The following ZNF469 variants were observed in gnomAD, a reference collection of about 807,000 sequenced individuals.
The protein encoded by ZNF469 is zinc finger protein 469.
In ZNF469, 1 loss-of-function variant was observed where a neutral mutation model predicts 1.0. The ratio of observed to expected loss-of-function variants is 1.00; its 90% CI spans 0.35 to 4.73. ZNF469 has a LOEUF of 4.73. Among genes scored for constraint, ZNF469 ranks in the 30% most tolerant of loss-of-function variants. The pLI is 0.16. For missense variants in ZNF469, 6,100 were observed against 5,356.3 expected, an observed-to-expected ratio of 1.14 and a Z score of -4.33; for synonymous variants, 2,703 against 2,363.4, an observed-to-expected ratio of 1.14 and a Z score of -4.17.
chr16:88,432,789 A>G lies in ZNF469; in HGVS notation c.5319A>G (p.Arg1773=), dbSNP rs1906292358. 6.5e-7 allele frequency: 1 copy of G among 1,550,236 alleles called. No individual in the cohort carries two copies. Among genetic ancestry groups the G allele is most frequent in the Admixed American group, 2.0e-5 (1 of 50,984 alleles). Reference sequence around the variant, plus strand: ...TGCGGCTGCTTCCCTGTGAACAGAGAGGAGGGTTCCTCCCAGAGCCCGGCA... The same window carrying G: ...TGCGGCTGCTTCCCTGTGAACAGAGGGGAGGGTTCCTCCCAGAGCCCGGCA... The part of the protein sequence containing the change: ...DSLRLLPCEQ[R]GGFLPEPGTA... The change falls in exon 3 of 3, where the codon AGA becomes AGG. Residue 1773 remains arginine, a synonymous_variant. Transcript: ENST00000565624.
the ZNF469 span, among the ~76,000 whole-genome samples, chr16:88,120,646 C>T: frequency 0.011 from 1,613 of 152,318 alleles, 29 homozygotes; most frequent in African/African-American, 0.035. Context: ...CCCACCAGAA[C>T]GCCTGGGTCA....
At chr16:88,365,472 G>A in the ZNF469 span, among the ~76,000 whole-genome samples, 2 of 152,214 alleles carry the variant, frequency 1.3e-5, no homozygotes, top group African/African-American at 4.8e-5. Flanking sequence ...TCTGCTGCTG[G>A]ACCAGGAGGT....
At chr16:88,227,232 C>T in the ZNF469 span, among the ~76,000 whole-genome samples, 2 of 152,210 alleles carry the variant, frequency 1.3e-5, no homozygotes, top group Admixed American at 1.3e-4. Flanking sequence ...TAAGGGCGGG[C>T]ACCTGACTAG....
At chr16:88,296,566 TCA>T in the ZNF469 span, among the ~76,000 whole-genome samples, 5 of 147,592 alleles carry the variant, frequency 3.4e-5, no homozygotes, top group African/African-American at 1.3e-4. Flanking sequence ...ACTCACGTGC[TCA>T]CACACAGGTG....
At chr16:88,249,546 C>G in the ZNF469 span, among the ~76,000 whole-genome samples, 11 of 148,394 alleles carry the variant, frequency 7.4e-5, no homozygotes, top group African/African-American at 2.7e-4. Flanking sequence ...ACACCATTCT[C>G]CTGCCTCAGC....
the ZNF469 span, among the ~76,000 whole-genome samples, chr16:88,339,370 T>G: frequency 5.7e-3 from 1 of 174 alleles, no homozygotes; most frequent in Non-Finnish European, 0.01. Flanking sequence ...GGCAGGGGGA[T>G]GGGGACATGG....
the ZNF469 span, among the ~76,000 whole-genome samples, chr16:88,172,494 A>G: frequency 6.6e-6 from 1 of 152,240 alleles, no homozygotes. Flanking sequence ...CTGATTCCAA[A>G]TAACTTCATT....
At chr16:88,416,471 C>T (rs912648775) in intron 1 of ZNF469, among the ~76,000 whole-genome samples, 1 of 152,188 alleles carries the variant, frequency 6.6e-6, no homozygotes, top group African/African-American at 2.4e-5. Context: ...CACTGTCACA[C>T]GTTGTGATCT....
At position 88,439,402 on chromosome 16, in the gene ZNF469, G is replaced by C; in HGVS notation, c.*70G>C. On this transcript the variant is annotated 3_prime_UTR_variant, in exon 3 of 3. Transcript: ENST00000565624. ...TCGGCCTGCCTCCTTGGCCAGCTCC[G>C]GCTCCCTGAGATGGTCCACTCTGTG... is the stretch of plus-strand genomic sequence containing the variant. 6.6e-7 allele frequency: 1 copy of C among 1,516,374 alleles called. No individual in the cohort carries two copies. Among genetic ancestry groups the C allele is most frequent in the Non-Finnish European group, 8.9e-7 (1 of 1,117,546 alleles). The allele number at this position is 1,516,374 out of a possible 1,614,324, so 93.9% of individuals were successfully genotyped here.
chr16:88,148,284 C>A, the ZNF469 span, among the ~76,000 whole-genome samples: 1 of 152,160 alleles, frequency 6.6e-6, no homozygotes, highest in Non-Finnish European at 1.5e-5. Flanking sequence ...CCCAGCTCCA[C>A]CACCCCCATG....
chr16:88,220,559 C>T, the ZNF469 span, among the ~76,000 whole-genome samples: 22 of 148,482 alleles, frequency 1.5e-4, no homozygotes, highest in East Asian at 4.1e-3. Flanking sequence ...CTTACTGAGC[C>T]CCTGGAGCAA....
the ZNF469 span, among the ~76,000 whole-genome samples, chr16:88,103,568 TG>T: frequency 1.3e-5 from 2 of 152,154 alleles, no homozygotes; most frequent in African/African-American, 2.4e-5. Flanking sequence ...CCTAATCCCT[TG>T]GGGGGGATCA....
At chr16:88,358,772 G>A in the ZNF469 span, among the ~76,000 whole-genome samples, 35 of 152,014 alleles carry the variant, frequency 2.3e-4, no homozygotes, top group Non-Finnish European at 3.2e-4. Context: ...AGGCTGGAGT[G>A]CAGTGGTGTG....
the ZNF469 span, among the ~76,000 whole-genome samples, chr16:88,282,630 G>A: frequency 2.0e-5 from 3 of 152,158 alleles, no homozygotes; most frequent in Non-Finnish European, 4.4e-5. Flanking sequence ...CAGAGACGTC[G>A]GATTGCAGAC....
the ZNF469 span, among the ~76,000 whole-genome samples, chr16:88,120,721 G>T: frequency 5.3e-5 from 8 of 152,240 alleles, no homozygotes; most frequent in African/African-American, 1.2e-4. Context: ...CTCCCAGCAC[G>T]GTGGAAGGCC....
chr16:88,430,314 G>T lies in ZNF469; in HGVS notation c.2844G>T (p.Gly948=). 1.3e-6 allele frequency: 2 copies of T among 1,514,186 alleles called. No homozygotes were observed. The highest frequency in any genetic ancestry group is 2.5e-5 in the South Asian group (2 of 80,874). The allele number at this position is 1,514,186 out of a possible 1,614,324, so 93.8% of individuals were successfully genotyped here. A position where few individuals can be genotyped will look rare whatever the true frequency, so the allele number is the denominator to read the frequency against. The change falls in exon 3 of 3, where the codon GGG becomes GGT. Residue 948 remains glycine (G), a synonymous_variant. Coordinates refer to ENST00000565624, the MANE Select transcript of ZNF469 (RefSeq NM_001367624.2). ...APSQGRQQRR[G]KQLKLFRKDL... Reference sequence around the variant, plus strand: ...GCCAGGGCAGGCAGCAGAGGAGGGGGAAGCAGTTGAAGCTGTTCCGGAAGG... The same window carrying T: ...GCCAGGGCAGGCAGCAGAGGAGGGGTAAGCAGTTGAAGCTGTTCCGGAAGG...
chr16:88,161,960 T>C, the ZNF469 span, among the ~76,000 whole-genome samples: 2 of 152,202 alleles, frequency 1.3e-5, no homozygotes, highest in African/African-American at 2.4e-5. Context: ...AGCCTATGAT[T>C]TTAGAGCATT....
the ZNF469 span, among the ~76,000 whole-genome samples, chr16:88,257,438 A>G: frequency 3.3e-5 from 5 of 152,060 alleles, no homozygotes; most frequent in African/African-American, 4.8e-5. Context: ...TTCCATCAAA[A>G]ATATTTTCTC....
the ZNF469 span, among the ~76,000 whole-genome samples, chr16:88,351,214 G>C: frequency 1.3e-5 from 2 of 152,206 alleles, no homozygotes; most frequent in Non-Finnish European, 2.9e-5. Flanking sequence ...GTAGCCAAAG[G>C]CTGGACGGCT....
Sources: allele counts gnomAD v4.1 joint callset (sites outside exome capture counted in the v4.1 genomes callset), GRCh38; gene constraint gnomAD v4.1.1; transcripts MANE v1.5; gene names NCBI Gene and HGNC (gene_info 2026-07-23, HGNC 2026-07-21).